The following UACA variants were observed in gnomAD, a reference collection of about 807,000 sequenced individuals.
The protein encoded by UACA is uveal autoantigen with coiled-coil domains and ankyrin repeats.
Under a neutral mutation model 160.5 loss-of-function variants are expected in UACA, and 112 were observed. The ratio of observed to expected loss-of-function variants is 0.70; its 90% CI spans 0.60 to 0.82. The LOEUF is 0.82. Ranked by LOEUF, UACA falls within the 40% of genes least tolerant of loss-of-function variation. The pLI, the probability that UACA is intolerant of heterozygous loss-of-function variation, is 0.00. For synonymous variants in UACA, 557 were observed against 568.4 expected (o/e 0.98, Z 0.29); for missense variants, 1,574 against 1,614.6 (o/e 0.97, Z 0.43).
chr15:70,659,400 T>TTTTTG (rs1566958256), intron 18 of UACA, among the ~76,000 whole-genome samples: 1 of 118,938 alleles, frequency 8.4e-6, no homozygotes, highest in Non-Finnish European at 1.7e-5. Flanking sequence ...TGTTTGTTTT[T>TTTTTG]TTTTTTTTTT....
intron 1 of UACA, among the ~76,000 whole-genome samples, chr15:70,702,544 GACA>G (rs1445192076): frequency 2.6e-5 from 4 of 152,114 alleles, no homozygotes; most frequent in African/African-American, 7.2e-5. Context: ...GTGACATAAT[GACA>G]ACATTTTAAG....
At chr15:70,754,402 TAAA>T (rs1381967001) in intron 1 of UACA, among the ~76,000 whole-genome samples, 1 of 152,250 alleles carries the variant, frequency 6.6e-6, no homozygotes, top group Non-Finnish European at 1.5e-5. Context: ...TACTTTCTTA[TAAA>T]ATAGGCTTTG....
intron 1 of UACA, among the ~76,000 whole-genome samples, chr15:70,749,698 C>CAAAAAAAA (rs11292883): frequency 4.3e-5 from 3 of 70,056 alleles, no homozygotes; most frequent in African/African-American, 1.6e-4. Context: ...GACTCCGTCT[C>CAAAAAAAA]AAAAAAAAAA....
At chr15:70,701,644 G>A (rs1228765446) in intron 1 of UACA, among the ~76,000 whole-genome samples, 2 of 152,166 alleles carry the variant, frequency 1.3e-5, no homozygotes, top group African/African-American at 2.4e-5. Context: ...CTGATTCACT[G>A]TCAGTTAACA....
chr15:70,655,712 A>C lies in UACA; in HGVS notation c.*1344T>G, dbSNP rs1268839781. Reference sequence around the variant, plus strand: ...TCAATGTTGTTTCAACACCGAAAAAATATGATGGCTTATTCTTTGGTATGA... The same window carrying C: ...TCAATGTTGTTTCAACACCGAAAAACTATGATGGCTTATTCTTTGGTATGA... On this transcript the variant is annotated 3_prime_UTR_variant, in exon 19 of 19. Coordinates refer to ENST00000322954, the MANE Select transcript of UACA (RefSeq NM_018003.4). 6.6e-6 allele frequency: 1 copy of C among 152,228 alleles called. No homozygotes were observed. The highest frequency in any genetic ancestry group is 1.5e-5 in the Non-Finnish European group (1 of 68,042). 9.4% of individuals were successfully genotyped at this position (152,228 alleles called of 1,614,324 possible).
chr15:70,729,356 A>G (rs1899246755), intron 1 of UACA, among the ~76,000 whole-genome samples: 1 of 152,172 alleles, frequency 6.6e-6, no homozygotes, highest in African/African-American at 2.4e-5. Flanking sequence ...ACTTAGCCAT[A>G]AAAAAAGAAT....
chr15:70,764,214 G>A (rs1381240249), upstream of UACA, among the ~76,000 whole-genome samples: 1 of 152,192 alleles, frequency 6.6e-6, no homozygotes, highest in African/African-American at 2.4e-5. Flanking sequence ...GAATGGGGGC[G>A]GGGAGGGAGG....
At chr15:70,694,962 G>T in intron 3 of UACA, 55 bp downstream of exon 3, 2 of 1,353,014 alleles carry the variant, frequency 1.5e-6, no homozygotes, top group Non-Finnish European at 1.0e-6. Flanking sequence ...TGTTAGCAGT[G>T]GACAATGTTT....
intron 1 of UACA, among the ~76,000 whole-genome samples, chr15:70,705,076 AC>A (rs1402239807): frequency 6.6e-6 from 1 of 152,194 alleles, no homozygotes; most frequent in Non-Finnish European, 1.5e-5. Flanking sequence ...AGCTATTGTT[AC>A]GGGCGCATAC....
chr15:70,659,677 C>A (rs1355900447), intron 18 of UACA, among the ~76,000 whole-genome samples: 1 of 151,808 alleles, frequency 6.6e-6, no homozygotes, highest in Non-Finnish European at 1.5e-5. Context: ...TACTGTTATT[C>A]CTTAATTAAT....
chr15:70,689,628 T>G (rs934272234), intron 5 of UACA, among the ~76,000 whole-genome samples: 3 of 152,174 alleles, frequency 2.0e-5, no homozygotes, highest in Non-Finnish European at 2.9e-5. Context: ...CACCTTAATC[T>G]ACTGCATATA....
At chr15:70,771,689 G>A in the UACA span, among the ~76,000 whole-genome samples, 1 of 152,358 alleles carries the variant, frequency 6.6e-6, no homozygotes, top group South Asian at 2.1e-4. Context: ...CAGGGATGGG[G>A]AGAATGATTG....
Position 70,749,161 on chromosome 15 carries a change from C to T in UACA, c.78+14169G>A, listed in dbSNP as rs1247789922. The T allele has an allele frequency of 1.2e-5, 5 of 414,364 alleles. No homozygotes were observed. In the East Asian group the frequency reaches 2.5e-4, roughly 20 times the overall value. 25.7% of individuals were successfully genotyped at this position (414,364 alleles called of 1,614,324 possible). A position where few individuals can be genotyped will look rare whatever the true frequency, so the allele number is the denominator to read the frequency against. ...TTAACTTTCGGATCTAAGTAGCATG[C>T]AGGTGGATCCTAGTTCATTGTGCTA... On this transcript the variant is annotated intron_variant, in intron 1 of 18. Coordinates refer to ENST00000322954, the MANE Select transcript of UACA (RefSeq NM_018003.4).
At chr15:70,728,576 A>AG (rs1398281502) in intron 1 of UACA, among the ~76,000 whole-genome samples, 10 of 145,328 alleles carry the variant, frequency 6.9e-5, no homozygotes, top group African/African-American at 2.3e-4. Flanking sequence ...AAAAAAAAAG[A>AG]AAAAAAAAAA....
Position 70,722,321 on chromosome 15 carries a change from C to CT in UACA, c.79-22662dup, listed in dbSNP as rs66463519. Among the ~76,000 whole-genome samples, 1,266 of 144,116 alleles carry CT rather than the reference C, an allele frequency of 8.8e-3. 20 individuals are homozygous for CT. Among genetic ancestry groups the CT allele is most frequent in the Admixed American group, 0.039 (563 of 14,310 alleles). The allele number at this position is 144,116 out of a possible 152,430, so 94.5% of individuals were successfully genotyped here. A position where few individuals can be genotyped will look rare whatever the true frequency, so the allele number is the denominator to read the frequency against. On this transcript the variant is annotated intron_variant, in intron 1 of 18. Coordinates refer to ENST00000322954, the MANE Select transcript of UACA (RefSeq NM_018003.4). ...GGGAAAAGACAATCTAGCAAAATCA[C>CT]TTTTTTTTTTTTTTGAGACAGGATC...
chr15:70,765,076 T>A (rs1716375163), upstream of UACA, among the ~76,000 whole-genome samples: 1 of 152,230 alleles, frequency 6.6e-6, no homozygotes, highest in Non-Finnish European at 1.5e-5. Context: ...TAAAGCTGTA[T>A]AACGTGGACG....
intron 1 of UACA, among the ~76,000 whole-genome samples, chr15:70,751,957 C>T (rs544610412): frequency 5.3e-4 from 80 of 152,116 alleles, no homozygotes; most frequent in Middle Eastern, 3.4e-3. Flanking sequence ...CTAACATGGC[C>T]GGGCACAGTG....
chr15:70,739,227 T>C (rs1205587375), intron 1 of UACA, among the ~76,000 whole-genome samples: 1 of 152,130 alleles, frequency 6.6e-6, no homozygotes, highest in African/African-American at 2.4e-5. Flanking sequence ...ACTTTATAAA[T>C]CCTATAAGGC....
the UACA span, among the ~76,000 whole-genome samples, chr15:70,769,030 CAG>C: frequency 1.3e-5 from 2 of 152,088 alleles, no homozygotes; most frequent in Admixed American, 6.6e-5. Context: ...CTCATGCTAA[CAG>C]AAGAACACGG....
Sources: allele counts gnomAD v4.1 joint callset (sites outside exome capture counted in the v4.1 genomes callset), GRCh38; gene constraint gnomAD v4.1.1; transcripts MANE v1.5; gene names NCBI Gene and HGNC (gene_info 2026-07-23, HGNC 2026-07-21).